The following CHST11 variants were observed in gnomAD, a reference collection of about 807,000 sequenced individuals.
CHST11 encodes the protein carbohydrate sulfotransferase 11.
Under a neutral mutation model 30.4 loss-of-function variants are expected in CHST11, and 9 were observed. The ratio of observed to expected loss-of-function variants is 0.30; its 90% CI spans 0.18 to 0.52. CHST11 has a LOEUF of 0.52. Among genes scored for constraint, CHST11 ranks in the 20% least tolerant of loss-of-function variants. The pLI, the probability that CHST11 is intolerant of heterozygous loss-of-function variation, is 0.97. For missense variants in CHST11, 348 were observed against 460.6 expected (o/e 0.76, Z 2.24); for synonymous variants, 152 against 187.8 (o/e 0.81, Z 1.56).
At chr12:104,630,742 A>C (rs1214326987) in intron 2 of CHST11, among the ~76,000 whole-genome samples, 4 of 152,224 alleles carry the variant, frequency 2.6e-5, no homozygotes, top group Non-Finnish European at 5.9e-5. Context: ...TTCTCAAGGC[A>C]AGGAGTCATG....
intron 2 of CHST11, among the ~76,000 whole-genome samples, chr12:104,731,997 A>G (rs1236356297): frequency 2.0e-5 from 3 of 152,250 alleles, no homozygotes; most frequent in South Asian, 2.1e-4. Flanking sequence ...GTGATGGCAG[A>G]AAGTCCACCC....
At chr12:104,512,080 C>G (rs913609214) in intron 1 of CHST11, among the ~76,000 whole-genome samples, 21 of 151,836 alleles carry the variant, frequency 1.4e-4, no homozygotes, top group African/African-American at 5.1e-4. Context: ...ATATTTTTTC[C>G]CCTACATATT....
At chr12:104,526,391 A>G (rs1347897822) in intron 1 of CHST11, among the ~76,000 whole-genome samples, 2 of 152,226 alleles carry the variant, frequency 1.3e-5, no homozygotes, top group Admixed American at 6.5e-5. Context: ...GCTGAGGGAC[A>G]TTTAATTTAT....
intron 1 of CHST11, among the ~76,000 whole-genome samples, chr12:104,549,543 C>T (rs896211821): frequency 1.1e-4 from 17 of 152,106 alleles, no homozygotes. Context: ...ATGGGTTCCA[C>T]CTCCTAAGAG....
rs547651559 is a variant in CHST11 at position 104,589,886 on chromosome 12, G to A, written c.119-12020G>A. ...TAGCTGGGCGTGGTGGCACATGCCT[G>A]TAATCCCAGCTACTCGGGAGGCTGA... On this transcript the variant is annotated intron_variant, in intron 1 of 2. Transcript: ENST00000303694. Among the ~76,000 whole-genome samples, 15 of 152,224 alleles carry A rather than the reference G, an allele frequency of 9.9e-5. No individual in the cohort carries two copies. In the South Asian group the frequency reaches 2.9e-3, roughly 29 times the overall value.
chr12:104,644,373 T>G (rs1198215814), intron 2 of CHST11, among the ~76,000 whole-genome samples: 2 of 152,244 alleles, frequency 1.3e-5, no homozygotes, highest in Non-Finnish European at 2.9e-5. Flanking sequence ...AGCCATCTTG[T>G]AAGTGGTTTC....
chr12:104,722,662 C>T (rs1474446395), intron 2 of CHST11, among the ~76,000 whole-genome samples: 1 of 152,076 alleles, frequency 6.6e-6, no homozygotes, highest in Non-Finnish European at 1.5e-5. Flanking sequence ...ATCTGGTTCT[C>T]TCTTCCAGCC....
At chr12:104,590,574 A>G (rs1274501108) in intron 1 of CHST11, among the ~76,000 whole-genome samples, 1 of 152,196 alleles carries the variant, frequency 6.6e-6, no homozygotes, top group Non-Finnish European at 1.5e-5. Context: ...GCAACAGACA[A>G]CAGCCAATAA....
intron 1 of CHST11, among the ~76,000 whole-genome samples, chr12:104,483,620 A>G (rs988149207): frequency 2.6e-5 from 4 of 152,242 alleles, no homozygotes; most frequent in African/African-American, 9.6e-5. Context: ...GAGTTCAGAT[A>G]CAAACTCCCC....
intron 1 of CHST11, among the ~76,000 whole-genome samples, chr12:104,572,535 G>A (rs1052382350): frequency 1.4e-4 from 22 of 152,140 alleles, no homozygotes; most frequent in African/African-American, 5.3e-4. Context: ...ATGATAGTGT[G>A]TATTTCTGTG....
intron 2 of CHST11, among the ~76,000 whole-genome samples, chr12:104,630,542 C>A (rs182179610): frequency 6.6e-6 from 1 of 152,124 alleles, no homozygotes; most frequent in East Asian, 1.9e-4. Context: ...GCCAGGCTGA[C>A]GGGGAAAGAA....
rs573334678 is a variant in CHST11 at position 104,537,537 on chromosome 12, T to C, written c.119-64369T>C. ...ACCACTCACAAGAACATTAGAACACTGGAGATGGATTTATGCCCTGACTGG... is the reference window on the plus strand; with the variant it reads ...ACCACTCACAAGAACATTAGAACACCGGAGATGGATTTATGCCCTGACTGG... On this transcript the variant is annotated intron_variant, in intron 1 of 2. Transcript: ENST00000303694. Among the ~76,000 whole-genome samples, 8 of 152,314 alleles carry C rather than the reference T, an allele frequency of 5.3e-5. No individual in the cohort carries two copies. In the South Asian group the frequency reaches 1.7e-3, roughly 32 times the overall value.
At chr12:104,587,818 A>G (rs939288751) in intron 1 of CHST11, among the ~76,000 whole-genome samples, 15 of 134,192 alleles carry the variant, frequency 1.1e-4, no homozygotes, top group African/African-American at 3.7e-4. Context: ...TCAATTCGTT[A>G]GAGATTAAGT....
rs185391810 is a variant in CHST11, at chr12:104,614,339, T to A, written c.204+12348T>A. On this transcript the variant is annotated intron_variant, in intron 2 of 2. Transcript: ENST00000303694. ...GTCTGAGGTGGGAGGATGACAAGAG[T>A]TTGAGACCAGCCTGGGCCAGATGGC... Among the ~76,000 whole-genome samples, 38 of 151,702 alleles carry A rather than the reference T, an allele frequency of 2.5e-4. No individual in the cohort carries two copies. In the East Asian group the frequency reaches 7.2e-3, roughly 29 times the overall value.
chr12:104,632,483 G>T (rs926593222), intron 2 of CHST11, among the ~76,000 whole-genome samples: 1 of 152,220 alleles, frequency 6.6e-6, no homozygotes, highest in Non-Finnish European at 1.5e-5. Context: ...GGTCTCCTAA[G>T]AAGTTCCCAC....
intron 2 of CHST11, among the ~76,000 whole-genome samples, chr12:104,717,756 G>A (rs2040142594): frequency 1.3e-5 from 2 of 152,016 alleles, no homozygotes; most frequent in African/African-American, 4.8e-5. Flanking sequence ...GGGTGACAGA[G>A]TGAGACTCTG....
intron 2 of CHST11, among the ~76,000 whole-genome samples, chr12:104,658,492 C>T (rs1012417830): frequency 1.3e-5 from 2 of 152,232 alleles, no homozygotes; most frequent in Non-Finnish European, 2.9e-5. Context: ...AATAAGGGTA[C>T]TGTCTGAACG....
At position 104,538,452 on chromosome 12, in the gene CHST11, C is replaced by T. The variant is rs192475410; in HGVS notation, c.119-63454C>T. On this transcript the variant is annotated intron_variant, in intron 1 of 2. Transcript: ENST00000303694. Reference sequence around the variant, plus strand: ...CTAAGTAGTGTTCGTTGAGTTTTTCCGAGGTAAAATTGCTCTTTCCCACTC... The same window carrying T: ...CTAAGTAGTGTTCGTTGAGTTTTTCTGAGGTAAAATTGCTCTTTCCCACTC... 5.2e-4 allele frequency among the ~76,000 whole-genome samples: 79 copies of T among 152,156 alleles called. 1 individual carries two copies. The highest frequency in any genetic ancestry group is 1.9e-3 in the Admixed American group (29 of 15,280).
At chr12:104,660,297 C>A (rs2039586683) in intron 2 of CHST11, among the ~76,000 whole-genome samples, 2 of 152,198 alleles carry the variant, frequency 1.3e-5, no homozygotes, top group African/African-American at 4.8e-5. Flanking sequence ...GTTCCCAAAG[C>A]TCAGGGAAAG....
Sources: allele counts gnomAD v4.1 joint callset (sites outside exome capture counted in the v4.1 genomes callset), GRCh38; gene constraint gnomAD v4.1.1; transcripts MANE v1.5; gene names NCBI Gene and HGNC (gene_info 2026-07-23, HGNC 2026-07-21).